The following DPYD variants were observed in gnomAD, a reference collection of about 807,000 sequenced individuals.
The protein encoded by DPYD is dihydropyrimidine dehydrogenase.
Under a neutral mutation model 116.2 loss-of-function variants are expected in DPYD, and 109 were observed. That is an observed-to-expected ratio of 0.94 (90% CI 0.80 to 1.10). The LOEUF (loss-of-function observed/expected upper bound fraction) is 1.10, where lower values mean the gene tolerates loss of function less well. DPYD is among the 50% of genes least tolerant of loss of function. DPYD has a pLI of 0.00. For synonymous variants in DPYD, 440 were observed against 432.0 expected (o/e 1.02, Z -0.23); for missense variants, 1,302 against 1,254.5 (o/e 1.04, Z -0.57).
At chr1:97,774,502 CA>C (rs1666298875) in intron 3 of DPYD, among the ~76,000 whole-genome samples, 1 of 152,076 alleles carries the variant, frequency 6.6e-6, no homozygotes, top group South Asian at 2.1e-4. Flanking sequence ...CAAATCAGAC[CA>C]CCTGTAGAGG....
chr1:97,115,942 T>A (rs1651932855), intron 20 of DPYD, among the ~76,000 whole-genome samples: 1 of 152,156 alleles, frequency 6.6e-6, no homozygotes, highest in Admixed American at 6.5e-5. Flanking sequence ...ATATAGATTT[T>A]TTTTATTCCT....
At chr1:97,666,381 A>G (rs1659558383) in intron 8 of DPYD, among the ~76,000 whole-genome samples, 1 of 150,970 alleles carries the variant, frequency 6.6e-6, no homozygotes, top group Non-Finnish European at 1.5e-5. Context: ...CTGGTCTGGA[A>G]CTCTTGGCCT....
chr1:97,385,466 A>C (rs1672284386), intron 14 of DPYD, among the ~76,000 whole-genome samples: 2 of 151,520 alleles, frequency 1.3e-5, no homozygotes, highest in Non-Finnish European at 2.9e-5. Context: ...ATTAGATACT[A>C]GTTACCCTGT....
At chr1:97,232,290 A>G (rs945792005) in intron 19 of DPYD, among the ~76,000 whole-genome samples, 1 of 152,116 alleles carries the variant, frequency 6.6e-6, no homozygotes, top group Non-Finnish European at 1.5e-5. Context: ...GTCCCCAATA[A>G]GTAAGGTGTC....
intron 18 of DPYD, among the ~76,000 whole-genome samples, chr1:97,235,747 G>A (rs888786085): frequency 3.3e-5 from 5 of 152,022 alleles, no homozygotes; most frequent in Non-Finnish European, 5.9e-5. Context: ...CAGATGTTGC[G>A]AACATAGACT....
intron 20 of DPYD, among the ~76,000 whole-genome samples, chr1:97,101,417 C>T (rs1330671506): frequency 1.4e-5 from 2 of 140,688 alleles, no homozygotes; most frequent in Admixed American, 7.6e-5. Context: ...AAGGATCAAC[C>T]GATCACCTTT....
At chr1:97,327,215 T>C (rs1243198470) in intron 16 of DPYD, among the ~76,000 whole-genome samples, 1 of 152,030 alleles carries the variant, frequency 6.6e-6, no homozygotes, top group East Asian at 1.9e-4. Flanking sequence ...GCTTAAATCA[T>C]TCCAGCTTTC....
intron 7 of DPYD, among the ~76,000 whole-genome samples, chr1:97,683,045 C>A (rs1043023372): frequency 6.6e-6 from 1 of 151,892 alleles, no homozygotes; most frequent in Non-Finnish European, 1.5e-5. Flanking sequence ...TAAAGGCTGA[C>A]AACTTTTTTG....
Position 97,443,670 on chromosome 1 carries a change from A to G in DPYD, c.1905+6389T>C, listed in dbSNP as rs547738416. ...ATGTTCATGCTCTCGACGTTCTTTG[A>G]TAAGTAACAAAAGTAATTATCTTGC... On this transcript the variant is annotated intron_variant, in intron 14 of 22. Coordinates refer to ENST00000370192, the MANE Select transcript of DPYD (RefSeq NM_000110.4). Among the ~76,000 whole-genome samples the G allele has an allele frequency of 2.6e-5, 4 of 152,378 alleles. No individual in the cohort carries two copies. The East Asian group carries it at 7.7e-4, about 29-fold the overall frequency.
intron 20 of DPYD, among the ~76,000 whole-genome samples, chr1:97,115,300 G>A (rs1651884601): frequency 6.6e-6 from 1 of 152,184 alleles, no homozygotes; most frequent in Non-Finnish European, 1.5e-5. Context: ...TGAGAGAAAA[G>A]TCCTTGACTA....
intron 19 of DPYD, among the ~76,000 whole-genome samples, chr1:97,201,799 C>T (rs1220712794): frequency 1.3e-5 from 2 of 151,960 alleles, no homozygotes; most frequent in African/African-American, 4.8e-5. Context: ...AGTTTCCTGG[C>T]AATTGAGACA....
At chr1:97,871,347 C>T (rs1671647991) in intron 2 of DPYD, among the ~76,000 whole-genome samples, 1 of 151,730 alleles carries the variant, frequency 6.6e-6, no homozygotes, top group Admixed American at 6.6e-5. Context: ...TCTATAAGAA[C>T]AACTTCTTCT....
At chr1:97,660,397 T>A (rs544449592) in intron 8 of DPYD, among the ~76,000 whole-genome samples, 3 of 152,160 alleles carry the variant, frequency 2.0e-5, no homozygotes, top group African/African-American at 4.8e-5. Context: ...AATAAAGGTA[T>A]CATCCCTAGT....
At chr1:97,651,737 A>G (rs1278970444) in intron 8 of DPYD, among the ~76,000 whole-genome samples, 3 of 152,172 alleles carry the variant, frequency 2.0e-5, no homozygotes, top group African/African-American at 7.2e-5. Context: ...GCTAAATCAA[A>G]CCAGATTTTA....
intron 18 of DPYD, among the ~76,000 whole-genome samples, chr1:97,288,256 T>C (rs1321873639): frequency 6.9e-6 from 1 of 145,334 alleles, no homozygotes; most frequent in Non-Finnish European, 1.5e-5. Context: ...AACACCCCAC[T>C]GTCAACATTA....
intron 10 of DPYD, among the ~76,000 whole-genome samples, chr1:97,574,661 T>A (rs1424839091): frequency 6.6e-6 from 1 of 152,142 alleles, no homozygotes; most frequent in Admixed American, 6.6e-5. Context: ...ATATGCATAA[T>A]GGAATGTTCA....
At chr1:97,350,193 C>T (rs1670071456) in intron 16 of DPYD, among the ~76,000 whole-genome samples, 2 of 152,058 alleles carry the variant, frequency 1.3e-5, no homozygotes, top group South Asian at 2.1e-4. Flanking sequence ...TGCTTTTTAA[C>T]TAAAAAGAAT....
chr1:97,799,475 C>A (rs1257065509), intron 3 of DPYD, among the ~76,000 whole-genome samples: 1 of 151,806 alleles, frequency 6.6e-6, no homozygotes, highest in Non-Finnish European at 1.5e-5. Context: ...AAAAAAATCA[C>A]CTTCTGAAAC....
At chr1:97,546,633 G>T (rs1650888371) in intron 12 of DPYD, 1 of 1,612,590 alleles carries the variant, frequency 6.2e-7, no homozygotes, top group Admixed American at 1.7e-5. Context: ...AAGAATGGTG[G>T]TGGCTTTACA....
Sources: gnomAD v4.1 joint callset for allele counts (sites outside exome capture counted in the v4.1 genomes callset) on GRCh38, gnomAD v4.1.1 for gene constraint, MANE v1.5 for transcripts, NCBI Gene and HGNC (gene_info 2026-07-23, HGNC 2026-07-21) for gene names.